The following BICC1 variants were observed in gnomAD, a reference collection of about 807,000 sequenced individuals.
BICC1 encodes protein bicaudal C homolog 1.
BICC1 carries 43 observed loss-of-function variants against 111.0 expected under a neutral mutation model. The observed-to-expected ratio is 0.39, with a 90% confidence interval of 0.30 to 0.50. BICC1 has a LOEUF of 0.50. BICC1 is among the 20% of genes least tolerant of loss of function. The pLI is 0.88. For synonymous variants in BICC1, 467 were observed against 434.4 expected, an observed-to-expected ratio of 1.07 and a Z score of -0.93; for missense variants, 1,091 against 1,203.2, an observed-to-expected ratio of 0.91 and a Z score of 1.38.
At chr10:58,745,998 T>A (rs760409282) in intron 3 of BICC1, among the ~76,000 whole-genome samples, 2 of 152,052 alleles carry the variant, frequency 1.3e-5, no homozygotes, top group Non-Finnish European at 2.9e-5. Context: ...CACAGGCAGA[T>A]GAGAGAGGTT....
chr10:58,715,869 A>G (rs1451830222), intron 3 of BICC1: 3 of 1,203,024 alleles, frequency 2.5e-6, no homozygotes, highest in Non-Finnish European at 3.6e-6. Context: ...ATAGGTATTC[A>G]TCTTCTTCAT....
chr10:58,769,315 C>T (rs528865696), intron 3 of BICC1, among the ~76,000 whole-genome samples: 14 of 150,116 alleles, frequency 9.3e-5, no homozygotes, highest in East Asian at 2.0e-4. Context: ...CACATGCACA[C>T]GCACAGAGGT....
At position 58,791,512 on chromosome 10, in the gene BICC1, C is replaced by T. The variant is rs796150871; in HGVS notation, c.1047+1579C>T. Among the ~76,000 whole-genome samples, 26 of 152,240 alleles carry T rather than the reference C, an allele frequency of 1.7e-4. No individual in the cohort carries two copies. The East Asian group carries it at 2.3e-3, about 14-fold the overall frequency. ...CAACACTTTGGGAGGCCGAGGCAGG[C>T]GTATCACAAGGTCAGGAGTTCAAGA... is the stretch of plus-strand genomic sequence containing the variant. On this transcript the variant is annotated intron_variant, in intron 8 of 20. Transcript: ENST00000373886.
intron 1 of BICC1, among the ~76,000 whole-genome samples, chr10:58,537,618 C>T (rs374343954): frequency 7.9e-5 from 12 of 151,742 alleles, no homozygotes; most frequent in African/African-American, 2.4e-4. Context: ...CAGTATAATA[C>T]CGGAAGTCCT....
chr10:58,776,547 A>G (rs974837055), intron 3 of BICC1, among the ~76,000 whole-genome samples: 18 of 152,144 alleles, frequency 1.2e-4, no homozygotes, highest in Admixed American at 2.0e-4. Flanking sequence ...CAAAAGGACC[A>G]TTGAGTATTG....
At chr10:58,759,117 A>G (rs1842231012) in intron 3 of BICC1, among the ~76,000 whole-genome samples, 1 of 151,648 alleles carries the variant, frequency 6.6e-6, no homozygotes, top group Non-Finnish European at 1.5e-5. Context: ...GTGCCACCAC[A>G]CCCAGCTAAT....
intron 1 of BICC1, among the ~76,000 whole-genome samples, chr10:58,612,922 C>T (rs1275886161): frequency 7.2e-5 from 11 of 152,042 alleles, no homozygotes; most frequent in Admixed American, 5.9e-4. Context: ...ACCCCCCTCC[C>T]ATTTAATTCA....
At chr10:58,828,270 T>G (rs955579000) in intron 20 of BICC1, among the ~76,000 whole-genome samples, 1 of 152,164 alleles carries the variant, frequency 6.6e-6, no homozygotes, top group Non-Finnish European at 1.5e-5. Context: ...GGGTCTTCTT[T>G]TTCATATCTG....
chr10:58,814,266 A>C lies in BICC1; in HGVS notation c.2533+280A>C, dbSNP rs1387781171. 4.1e-5 allele frequency: 25 copies of C among 606,718 alleles called. No individual in the cohort carries two copies. The East Asian group carries it at 6.3e-4, about 15-fold the overall frequency. 37.6% of individuals were successfully genotyped at this position (606,718 alleles called of 1,614,324 possible). ...TATCTCCTTGTGAAATTTGTGCTCC[A>C]CAAACCAAAGACTGTATTTGTTCAT... On this transcript the variant is annotated intron_variant, in intron 18 of 20. Coordinates refer to ENST00000373886, the MANE Select transcript of BICC1 (RefSeq NM_001080512.3).
Position 58,800,948 on chromosome 10 carries a change from T to C in BICC1, c.1917T>C (p.Asn639=), listed in dbSNP as rs1194470264. The change falls in exon 14 of 21, where the codon AAT becomes AAC. Residue 639 remains asparagine (N), a synonymous_variant. Coordinates refer to ENST00000373886, the MANE Select transcript of BICC1 (RefSeq NM_001080512.3). The stretch of plus-strand genomic sequence containing the variant: ...CTCGAAGTCCTTCCCATTCTGGGAA[T>C]GCTGGTGACTTGAAACAGATGATGT... ...GMPRSPSHSG[N]AGDLKQMMCP... 1.2e-6 allele frequency: 2 copies of C among 1,610,690 alleles called. No individual in the cohort carries two copies. Among genetic ancestry groups the C allele is most frequent in the Non-Finnish European group, 1.7e-6 (2 of 1,178,408 alleles).
chr10:58,825,834 C>T (rs970352987), intron 20 of BICC1, among the ~76,000 whole-genome samples: 3 of 152,032 alleles, frequency 2.0e-5, no homozygotes, highest in Non-Finnish European at 2.9e-5. Flanking sequence ...TGAATAACAC[C>T]GTAGGACCCA....
intron 3 of BICC1, among the ~76,000 whole-genome samples, chr10:58,773,397 T>A (rs1240607482): frequency 1.3e-5 from 2 of 152,176 alleles, no homozygotes; most frequent in Non-Finnish European, 2.9e-5. Context: ...TAACTCCAAA[T>A]GGTGTAAGAA....
intron 2 of BICC1, among the ~76,000 whole-genome samples, chr10:58,689,342 C>T (rs751916789): frequency 1.3e-5 from 2 of 152,184 alleles, no homozygotes; most frequent in South Asian, 2.1e-4. Context: ...TGTCTGTGGC[C>T]CAGATTGGAT....
intron 1 of BICC1, among the ~76,000 whole-genome samples, chr10:58,593,442 C>T (rs1844701237): frequency 6.6e-6 from 1 of 152,178 alleles, no homozygotes; most frequent in Non-Finnish European, 1.5e-5. Flanking sequence ...TGTATCCTGA[C>T]TGGGAGACAC....
At chr10:58,827,838 A>T (rs925090870) in intron 20 of BICC1, among the ~76,000 whole-genome samples, 54 of 152,276 alleles carry the variant, frequency 3.5e-4, no homozygotes, top group African/African-American at 1.1e-3. Context: ...TCCTTCCACC[A>T]CCACTACCTA....
At chr10:58,687,704 CTAAGA>C (rs898840967) in intron 2 of BICC1, among the ~76,000 whole-genome samples, 4 of 152,200 alleles carry the variant, frequency 2.6e-5, no homozygotes, top group African/African-American at 9.7e-5. Flanking sequence ...GTGCCATTTG[CTAAGA>C]CCATTGGAAA....
chr10:58,631,579 C>T (rs1358611250), intron 2 of BICC1, among the ~76,000 whole-genome samples: 1 of 151,840 alleles, frequency 6.6e-6, no homozygotes, highest in Non-Finnish European at 1.5e-5. Context: ...TTACTTTTGT[C>T]ACCCTGGATT....
chr10:58,521,769 T>G (rs1365348235), intron 1 of BICC1, among the ~76,000 whole-genome samples: 38 of 5,220 alleles, frequency 7.3e-3, no homozygotes, highest in Non-Finnish European at 0.01. Context: ...GAATGTGGTG[T>G]TTTTTTTTTT....
chr10:58,770,678 C>T lies in BICC1; in HGVS notation c.308-14323C>T, dbSNP rs572740049. Among the ~76,000 whole-genome samples, 7 of 152,108 alleles carry T rather than the reference C, an allele frequency of 4.6e-5. No individual in the cohort carries two copies. The South Asian group carries it at 1.2e-3, about 27-fold the overall frequency. The stretch of plus-strand genomic sequence containing the variant: ...AACCATAATAAAAAGGTTGTTTATA[C>T]TTAATGGGACAATCCAGGGAGGGGA... On this transcript the variant is annotated intron_variant, in intron 3 of 20. Transcript: ENST00000373886.
Sources: allele counts gnomAD v4.1 joint callset (sites outside exome capture counted in the v4.1 genomes callset), GRCh38; gene constraint gnomAD v4.1.1; transcripts MANE v1.5; gene names NCBI Gene and HGNC (gene_info 2026-07-23, HGNC 2026-07-21).